The following C5 variants were observed in gnomAD, a reference collection of about 807,000 sequenced individuals.
The protein encoded by C5 is C3 and PZP-like alpha-2-macroglobulin domain-containing protein 4.
C5 carries 140 observed loss-of-function variants against 218.8 expected under a neutral mutation model. The ratio of observed to expected loss-of-function variants is 0.64; its 90% CI spans 0.56 to 0.74. C5 has a LOEUF of 0.74. C5 is among the 30% of genes least tolerant of loss of function. The pLI, the probability that C5 is intolerant of heterozygous loss-of-function variation, is 0.00. For synonymous variants in C5, 614 were observed against 682.3 expected (o/e 0.90, Z 1.56); for missense variants, 1,700 against 1,969.6 (o/e 0.86, Z 2.59).
At chr9:120,985,150 T>A (rs920017833) in intron 25 of C5, among the ~76,000 whole-genome samples, 1 of 152,208 alleles carries the variant, frequency 6.6e-6, no homozygotes, top group Admixed American at 6.5e-5. Context: ...TCGCTCTAGC[T>A]TTTTGCGTTC....
intron 33 of C5, among the ~76,000 whole-genome samples, chr9:120,965,179 G>A (rs2046857768): frequency 6.6e-6 from 1 of 152,190 alleles, no homozygotes; most frequent in African/African-American, 2.4e-5. Flanking sequence ...AAGCAAGTTA[G>A]TGAGGGGTCA....
At chr9:120,955,959 T>C (rs1253789565) in intron 39 of C5, among the ~76,000 whole-genome samples, 1 of 152,126 alleles carries the variant, frequency 6.6e-6, no homozygotes, top group East Asian at 1.9e-4. Flanking sequence ...AAACATATTA[T>C]TGCAATTTAG....
At chr9:120,983,461 C>A (rs2047010409) in intron 25 of C5, among the ~76,000 whole-genome samples, 1 of 152,196 alleles carries the variant, frequency 6.6e-6, no homozygotes, top group African/African-American at 2.4e-5. Context: ...CTCCCCAGGT[C>A]CTCAAATGTC....
At chr9:121,018,545 G>T (rs2047329187) in intron 12 of C5, among the ~76,000 whole-genome samples, 1 of 149,242 alleles carries the variant, frequency 6.7e-6, no homozygotes, top group Non-Finnish European at 1.5e-5. Flanking sequence ...CTGCACTCCA[G>T]CTTGGGGGAC....
Position 121,024,886 on chromosome 9 carries a change from C to T in C5, c.1000+568G>A, listed in dbSNP as rs2047406470. Among the ~76,000 whole-genome samples, 3 of 152,024 alleles carry T rather than the reference C, an allele frequency of 2.0e-5. No homozygotes were observed. The South Asian group carries it at 6.2e-4, about 32-fold the overall frequency. ...AATGTTTGCAAGCCTGTCTGTTTGG[C>T]AATACTTTAAATATCTCATAGATAC... is the stretch of plus-strand genomic sequence containing the variant. On this transcript the variant is annotated intron_variant, in intron 9 of 40. Coordinates refer to ENST00000223642, the MANE Select transcript of C5 (RefSeq NM_001735.3).
chr9:121,066,675 T>C, the C5 span, among the ~76,000 whole-genome samples: 1 of 150,082 alleles, frequency 6.7e-6, no homozygotes, highest in African/African-American at 2.5e-5. Context: ...TGAAACCCCA[T>C]CTCTACTAAA....
rs1399599410 is a variant in C5 at position 120,952,856 on chromosome 9, A to G, written c.4914T>C (p.Pro1638=). The G allele has an allele frequency of 3.1e-6, 5 of 1,613,842 alleles. No individual in the cohort carries two copies. The highest frequency in any genetic ancestry group is 1.3e-5 in the African/African-American group (1 of 75,070). Reference sequence around the variant, plus strand: ...ATTCAATCCAGGTCAAGGAATCTAAAGGGTAGATGTACCTACCAAGAAACA... The same window carrying G: ...ATTCAATCCAGGTCAAGGAATCTAAGGGGTAGATGTACCTACCAAGAAACA... ...KYNFSFRYIY[P]LDSLTWIEYW... is the part of the protein sequence containing the mutation. The change falls in exon 41 of 41, where the codon CCT becomes CCC. Residue 1638 remains proline (P), a synonymous_variant. Coordinates refer to ENST00000223642, the MANE Select transcript of C5 (RefSeq NM_001735.3).
intron 23 of C5, 38 bp downstream of exon 23, chr9:120,991,153 A>G: frequency 8.5e-7 from 1 of 1,182,212 alleles, no homozygotes; most frequent in Non-Finnish European, 1.3e-6. Flanking sequence ...TGAAGCACCA[A>G]GTGAAATGAG....
At chr9:121,003,753 T>C (rs755599562) in intron 20 of C5, among the ~76,000 whole-genome samples, 1 of 152,196 alleles carries the variant, frequency 6.6e-6, no homozygotes, top group Non-Finnish European at 1.5e-5. Context: ...CCTACCTCTA[T>C]AAAAATGAAA....
chr9:121,025,628 A>G (rs1392168664), intron 8 of C5, 48 bp from the exon 9 acceptor site: 2 of 1,577,770 alleles, frequency 1.3e-6, no homozygotes, highest in Admixed American at 3.3e-5. Context: ...AAGAACTTAT[A>G]AGGAAAAATT....
At chr9:121,070,264 G>T in the C5 span, among the ~76,000 whole-genome samples, 2 of 151,732 alleles carry the variant, frequency 1.3e-5, no homozygotes, top group East Asian at 1.9e-4. Context: ...GGCTGAGGCA[G>T]GAGAATCGCT....
chr9:121,021,124 T>C (rs924010383), intron 11 of C5, among the ~76,000 whole-genome samples: 2 of 152,120 alleles, frequency 1.3e-5, no homozygotes, highest in Non-Finnish European at 1.5e-5. Context: ...ATGGTTTCTG[T>C]AGTTAGAAAA....
intron 30 of C5, 78 bp from the exon 31 acceptor site, chr9:120,972,070 G>A: frequency 1.7e-6 from 2 of 1,181,132 alleles, no homozygotes; most frequent in Non-Finnish European, 2.5e-6. Context: ...ATGAAAAGTG[G>A]GTTGACATGT....
chr9:120,976,779 T>C lies in C5; in HGVS notation c.3785A>G (p.Lys1262Arg), dbSNP rs2046956463. The C allele has an allele frequency of 9.9e-6, 16 of 1,614,056 alleles. No individual in the cohort carries two copies. The highest frequency in any genetic ancestry group is 1.4e-5 in the Non-Finnish European group (16 of 1,180,032). Reference sequence around the variant, plus strand: ...GACTGGGTTAACATAATTTATATCTTTCAAGTTCAGACTGGTGAGTAAAGC... The same window carrying C: ...GACTGGGTTAACATAATTTATATCTCTCAAGTTCAGACTGGTGAGTAAAGC... ...AYALLTSLNLKDINYVNPVIK... is the reference protein window; with the variant it reads ...AYALLTSLNLRDINYVNPVIK... The change falls in exon 29 of 41, where the codon AAA becomes AGA. Residue 1262 changes from lysine to arginine, a missense_variant. Physicochemically the swap from Lys to Arg is conservative, Grantham distance 26. Transcript: ENST00000223642.
chr9:120,985,057 G>C (rs35447093), intron 25 of C5, among the ~76,000 whole-genome samples: 22,157 of 151,866 alleles, frequency 0.15, 2,064 homozygotes, highest in African/African-American at 0.26. Flanking sequence ...CTTTCTCTTT[G>C]GTACTCTTGG....
chr9:121,037,158 T>C (rs1023927977), intron 4 of C5, among the ~76,000 whole-genome samples: 1 of 152,116 alleles, frequency 6.6e-6, no homozygotes, highest in African/African-American at 2.4e-5. Context: ...TATTAAACTC[T>C]AAGTTCCTTA....
chr9:121,015,332 A>C (rs549603011), intron 15 of C5, 71 bp from the exon 16 acceptor site: 2 of 1,018,998 alleles, frequency 2.0e-6, no homozygotes, highest in East Asian at 2.4e-5. Flanking sequence ...AAATTCCATG[A>C]AACTATTTAA....
At chr9:120,973,343 A>G (rs572906222) in intron 30 of C5, among the ~76,000 whole-genome samples, 125 of 152,332 alleles carry the variant, frequency 8.2e-4, no homozygotes, top group Middle Eastern at 3.4e-3. Flanking sequence ...GACTCAGAAC[A>G]TGAATCTCCG....
Position 120,961,578 on chromosome 9 carries a change from A to G in C5, c.4505-13T>C. On this transcript the variant is annotated splice_polypyrimidine_tract_variant and intron_variant, in intron 36 of 40. Transcript: ENST00000223642. ...GTACACTGTTTATCTGTGGCAACAAAAGTGTGGTTAAGAGAAGTGGTTTGA... is the reference window on the plus strand; with the variant it reads ...GTACACTGTTTATCTGTGGCAACAAGAGTGTGGTTAAGAGAAGTGGTTTGA... 1 of 1,536,504 alleles carries G rather than the reference A, an allele frequency of 6.5e-7. No individual in the cohort carries two copies. The highest frequency in any genetic ancestry group is 1.1e-5 in the South Asian group (1 of 89,418).
Sources: allele counts gnomAD v4.1 joint callset (sites outside exome capture counted in the v4.1 genomes callset), GRCh38; gene constraint gnomAD v4.1.1; transcripts MANE v1.5; gene names NCBI Gene and HGNC (gene_info 2026-07-23, HGNC 2026-07-21).